Variants in KCNK2 observed in about 807,000 individuals in gnomAD.
The protein encoded by KCNK2 is potassium channel subfamily K member 2.
KCNK2 carries 21 observed loss-of-function variants against 40.5 expected under a neutral mutation model. The observed-to-expected ratio is 0.52, with a 90% CI of 0.37 to 0.75. The LOEUF (loss-of-function observed/expected upper bound fraction) is 0.75. KCNK2 is among the 30% of genes least tolerant of loss of function. The pLI is 0.00. For synonymous variants in KCNK2, 191 were observed against 202.2 expected (o/e 0.94, Z 0.47); for missense variants, 399 against 531.6 (o/e 0.75, Z 2.45).
At chr1:215,188,309 T>A (rs1664534539) in intron 5 of KCNK2, among the ~76,000 whole-genome samples, 1 of 152,162 alleles carries the variant, frequency 6.6e-6, no homozygotes, top group Non-Finnish European at 1.5e-5. Context: ...TTCTGGCATA[T>A]TTACCTTTAC....
chr1:215,095,759 T>C (rs1401569349), intron 2 of KCNK2, among the ~76,000 whole-genome samples: 1 of 152,104 alleles, frequency 6.6e-6, no homozygotes, highest in Non-Finnish European at 1.5e-5. Context: ...TGCTGGATTG[T>C]AAACCCAGTA....
intron 2 of KCNK2, among the ~76,000 whole-genome samples, chr1:215,089,832 TTTTTTTA>T (rs1441469927): frequency 1.6e-5 from 1 of 62,632 alleles, no homozygotes; most frequent in African/African-American, 6.2e-5. Flanking sequence ...TTTCTTTTTT[TTTTTTTA>T]TTTTGAAACA....
intron 1 of KCNK2, among the ~76,000 whole-genome samples, chr1:215,038,004 G>T (rs1483237711): frequency 6.6e-6 from 1 of 151,932 alleles, no homozygotes; most frequent in African/African-American, 2.4e-5. Context: ...AGTGATGTAG[G>T]TTGTCAGTCT....
At chr1:215,210,971 G>A (rs1665720551) in intron 6 of KCNK2, among the ~76,000 whole-genome samples, 1 of 152,000 alleles carries the variant, frequency 6.6e-6, no homozygotes. Flanking sequence ...GTGCCACCAT[G>A]AGCTCACTCT....
At chr1:215,045,083 C>T (rs1657721766) in intron 1 of KCNK2, among the ~76,000 whole-genome samples, 1 of 151,914 alleles carries the variant, frequency 6.6e-6, no homozygotes, top group African/African-American at 2.4e-5. Context: ...ACTCCTGAGG[C>T]TGAGGCAGGA....
chr1:215,020,424 C>A (rs975213193), intron 1 of KCNK2, among the ~76,000 whole-genome samples: 1 of 152,110 alleles, frequency 6.6e-6, no homozygotes, highest in Non-Finnish European at 1.5e-5. Context: ...CAGTACATTT[C>A]TTTATTTAAT....
At chr1:215,091,011 G>T (rs114489467) in intron 2 of KCNK2, among the ~76,000 whole-genome samples, 2 of 152,100 alleles carry the variant, frequency 1.3e-5, no homozygotes, top group African/African-American at 4.8e-5. Context: ...CTCTCAAGGC[G>T]CTTCTTCCTA....
intron 1 of KCNK2, among the ~76,000 whole-genome samples, chr1:215,061,238 C>A (rs1284238257): frequency 6.6e-6 from 1 of 151,934 alleles, no homozygotes; most frequent in Non-Finnish European, 1.5e-5. Flanking sequence ...TCATTACCAC[C>A]AAGTATCAAC....
Position 215,086,694 on chromosome 1 carries a change from G to A in KCNK2, c.357+16G>A. 6.2e-7 allele frequency: 1 copy of A among 1,604,406 alleles called. No individual in the cohort carries two copies. The highest frequency in any genetic ancestry group is 1.1e-5 in the South Asian group (1 of 90,044). On this transcript the variant is annotated intron_variant, in intron 2 of 6. Coordinates refer to ENST00000444842, the MANE Select transcript of KCNK2 (RefSeq NM_001017425.3). ...ACTCATTCAGGTAATGGCATGGGAG[G>A]AGTTGTTACTCTGTTCCCCCAAATG...
At chr1:215,064,486 G>T (rs1342417025) in intron 1 of KCNK2, among the ~76,000 whole-genome samples, 1 of 152,192 alleles carries the variant, frequency 6.6e-6, no homozygotes, top group Non-Finnish European at 1.5e-5. Context: ...TGATGAGACT[G>T]CAGTATCCAC....
intron 2 of KCNK2, among the ~76,000 whole-genome samples, chr1:215,101,080 A>C (rs1452106684): frequency 6.6e-6 from 1 of 152,078 alleles, no homozygotes; most frequent in African/African-American, 2.4e-5. Context: ...GAAATAGTTA[A>C]AATTCATGTT....
intron 2 of KCNK2, among the ~76,000 whole-genome samples, chr1:215,090,705 T>A (rs1659657072): frequency 6.6e-6 from 1 of 152,186 alleles, no homozygotes; most frequent in Admixed American, 6.5e-5. Context: ...ACAATAAAAA[T>A]ATCTTATAGG....
chr1:215,086,634 C>G lies in KCNK2; in HGVS notation c.313C>G (p.Gln105Glu). The G allele has an allele frequency of 6.2e-7, 1 of 1,614,124 alleles. No individual in the cohort carries two copies. Among genetic ancestry groups the G allele is most frequent in the South Asian group, 1.1e-5 (1 of 91,080 alleles). Residue 105 changes from glutamine to glutamate, a missense_variant, in exon 2 of 7, where the codon CAA becomes GAA. Physicochemically the swap from Gln to Glu is conservative, Grantham distance 29 (BLOSUM62 2). Coordinates refer to ENST00000444842, the MANE Select transcript of KCNK2 (RefSeq NM_001017425.3). ...GATCCAGAAGCAAACATTCATATCCCAACATTCCTGTGTCAATTCGACGGA... is the reference window on the plus strand; with the variant it reads ...GATCCAGAAGCAAACATTCATATCCGAACATTCCTGTGTCAATTCGACGGA... ...IVIQKQTFIS[Q>E]HSCVNSTELD...
chr1:215,104,618 T>C (rs776342111), intron 2 of KCNK2, among the ~76,000 whole-genome samples: 1 of 152,056 alleles, frequency 6.6e-6, no homozygotes, highest in African/African-American at 2.4e-5. Context: ...TAAAAGCAGG[T>C]GGTGTCTTTA....
At chr1:215,082,655 T>G (rs1316196646), upstream of KCNK2, among the ~76,000 whole-genome samples, 2 of 149,162 alleles carry the variant, frequency 1.3e-5, no homozygotes, top group Non-Finnish European at 3.0e-5. Context: ...AGGGTAGGGC[T>G]AGGAGGAGGT....
At chr1:215,005,687 A>G (rs943245271), upstream of KCNK2, 3 of 448,858 alleles carry the variant, frequency 6.7e-6, no homozygotes, top group Non-Finnish European at 1.2e-5. Flanking sequence ...GACTGTAAAA[A>G]CAGAGGATTT....
At chr1:215,143,099 T>A (rs1662255557) in intron 3 of KCNK2, among the ~76,000 whole-genome samples, 1 of 152,162 alleles carries the variant, frequency 6.6e-6, no homozygotes, top group African/African-American at 2.4e-5. Flanking sequence ...TGTGGAATAG[T>A]GGCTTTCATA....
chr1:215,105,691 C>T (rs2102556132), intron 2 of KCNK2, among the ~76,000 whole-genome samples: 1 of 152,120 alleles, frequency 6.6e-6, no homozygotes, highest in East Asian at 1.9e-4. Context: ...ATCCCATCAC[C>T]CAGGTACTGA....
At chr1:215,234,617 C>T (rs1292132916) in intron 6 of KCNK2, among the ~76,000 whole-genome samples, 1 of 152,142 alleles carries the variant, frequency 6.6e-6, no homozygotes, top group Non-Finnish European at 1.5e-5. Context: ...AGTTTAAGTT[C>T]ATAGATTAAT....
Sources: gnomAD v4.1 joint callset for allele counts (sites outside exome capture counted in the v4.1 genomes callset) on GRCh38, gnomAD v4.1.1 for gene constraint, MANE v1.5 for transcripts, NCBI Gene and HGNC (gene_info 2026-07-23, HGNC 2026-07-21) for gene names.